The following FNDC3B variants were observed in gnomAD, a reference collection of about 807,000 sequenced individuals.
FNDC3B encodes fibronectin type III domain-containing protein 3B.
A neutral mutation model predicts 151.5 loss-of-function variants in FNDC3B; 12 were observed. That is an observed-to-expected ratio of 0.08 (90% CI 0.05 to 0.13). The LOEUF (loss-of-function observed/expected upper bound fraction) is 0.13, where lower values mean the gene tolerates loss of function less well. Ranked by LOEUF, FNDC3B falls within the 10% of genes least tolerant of loss-of-function variation. FNDC3B has a pLI of 1.00. For synonymous variants in FNDC3B, 528 were observed against 549.0 expected (o/e 0.96, Z 0.54); for missense variants, 1,214 against 1,505.3 (o/e 0.81, Z 3.20).
intron 9 of FNDC3B, among the ~76,000 whole-genome samples, chr3:172,300,155 A>G (rs904788799): frequency 6.6e-6 from 1 of 152,218 alleles, no homozygotes; most frequent in Admixed American, 6.5e-5. Context: ...GTACAAGAAG[A>G]TCTGTGTAAT....
intron 3 of FNDC3B, among the ~76,000 whole-genome samples, chr3:172,170,446 C>A (rs1224691539): frequency 2.0e-5 from 3 of 152,220 alleles, no homozygotes; most frequent in African/African-American, 7.2e-5. Context: ...AATTTGTAAG[C>A]AACTGAATTT....
chr3:172,397,782 G>A lies in FNDC3B; in HGVS notation c.*307G>A, dbSNP rs1407231358. 2 of 166,902 alleles carry A rather than the reference G, an allele frequency of 1.2e-5. No individual in the cohort carries two copies. The highest frequency in any genetic ancestry group is 3.2e-4 in the East Asian group (2 of 6,232). The allele number at this position is 166,902 out of a possible 1,614,324, so 10.3% of individuals were successfully genotyped here. ...TTACCTTCATTCTGTTTTCACTGAT[G>A]TCTTTTGCAAGCCTTTGATTTTTTT... On this transcript the variant is annotated 3_prime_UTR_variant, in exon 26 of 26. Coordinates refer to ENST00000415807, the MANE Select transcript of FNDC3B (RefSeq NM_022763.4).
chr3:172,121,604 G>A (rs1720550065), intron 2 of FNDC3B, among the ~76,000 whole-genome samples: 1 of 152,168 alleles, frequency 6.6e-6, no homozygotes, highest in African/African-American at 2.4e-5. Context: ...GCAAATACTT[G>A]TGTTTATATT....
intron 3 of FNDC3B, among the ~76,000 whole-genome samples, chr3:172,182,533 T>A (rs1386010102): frequency 6.6e-6 from 1 of 152,186 alleles, no homozygotes; most frequent in Non-Finnish European, 1.5e-5. Context: ...TAGATACACT[T>A]TTGCTGGAGG....
intron 1 of FNDC3B, among the ~76,000 whole-genome samples, chr3:172,077,731 C>CA (rs969132426): frequency 7.9e-5 from 12 of 152,038 alleles, no homozygotes; most frequent in Admixed American, 2.0e-4. Flanking sequence ...TTTTCCCCCC[C>CA]AAAAAAGAAA....
chr3:172,218,936 C>T (rs1358062285), intron 3 of FNDC3B, among the ~76,000 whole-genome samples: 2 of 152,142 alleles, frequency 1.3e-5, no homozygotes, highest in African/African-American at 4.8e-5. Context: ...TGAAAGAAGA[C>T]GAGTTTGCCA....
intron 23 of FNDC3B, among the ~76,000 whole-genome samples, chr3:172,375,023 G>C (rs890309311): frequency 3.9e-5 from 6 of 151,992 alleles, no homozygotes; most frequent in Non-Finnish European, 8.8e-5. Flanking sequence ...TTGGTACCAA[G>C]TCTTTCTCAT....
intron 1 of FNDC3B, among the ~76,000 whole-genome samples, chr3:172,098,099 T>A (rs893697488): frequency 6.6e-6 from 1 of 152,062 alleles, no homozygotes; most frequent in Non-Finnish European, 1.5e-5. Context: ...TTAATGGCCG[T>A]AAGATAACAC....
chr3:172,094,022 G>C (rs1017833897), intron 1 of FNDC3B, among the ~76,000 whole-genome samples: 1 of 150,754 alleles, frequency 6.6e-6, no homozygotes, highest in Non-Finnish European at 1.5e-5. Context: ...CTAGAACATC[G>C]GCATTGTGTA....
intron 22 of FNDC3B, among the ~76,000 whole-genome samples, chr3:172,355,526 C>A (rs1045575593): frequency 6.6e-6 from 1 of 151,870 alleles, no homozygotes; most frequent in African/African-American, 2.4e-5. Flanking sequence ...AGGGGGGGGG[C>A]CTAGCACTTG....
intron 3 of FNDC3B, among the ~76,000 whole-genome samples, chr3:172,218,689 C>T (rs1726120435): frequency 6.6e-6 from 1 of 152,170 alleles, no homozygotes; most frequent in Non-Finnish European, 1.5e-5. Context: ...TTTTGGTAGG[C>T]CAGTAAAGTG....
At chr3:172,103,226 T>C (rs1157744877) in intron 1 of FNDC3B, among the ~76,000 whole-genome samples, 1 of 152,138 alleles carries the variant, frequency 6.6e-6, no homozygotes, top group African/African-American at 2.4e-5. Flanking sequence ...ACTGAGCTGG[T>C]ATTATGTGAG....
At chr3:172,239,466 C>G (rs1418273799) in intron 4 of FNDC3B, among the ~76,000 whole-genome samples, 1 of 152,144 alleles carries the variant, frequency 6.6e-6, no homozygotes, top group Non-Finnish European at 1.5e-5. Context: ...TTTCTGTGTC[C>G]AGGCAACTCA....
rs559525709 is a variant in FNDC3B, at chr3:172,322,312, G to A, written c.1255-6640G>A. On this transcript the variant is annotated intron_variant, in intron 11 of 25. Coordinates refer to ENST00000415807, the MANE Select transcript of FNDC3B (RefSeq NM_022763.4). ...ACATGGCCTGGGGTTCCCACACAGC[G>A]TGGCAGCTTCAGGGTAGTGAGAATC... 5.3e-5 allele frequency among the ~76,000 whole-genome samples: 8 copies of A among 152,352 alleles called. No homozygotes were observed. The South Asian group carries it at 8.3e-4, about 16-fold the overall frequency.
At chr3:172,092,618 G>A (rs570426277) in intron 1 of FNDC3B, among the ~76,000 whole-genome samples, 75 of 152,160 alleles carry the variant, frequency 4.9e-4, no homozygotes, top group Non-Finnish European at 8.1e-4. Context: ...ATTCTCTGTA[G>A]AGGTTACTGT....
chr3:172,133,672 C>T (rs530804931), intron 3 of FNDC3B, 126 bp downstream of exon 3: 2 of 756,800 alleles, frequency 2.6e-6, no homozygotes, highest in Non-Finnish European at 4.8e-6. Context: ...TATTCATTTT[C>T]TTTTTTTTTC....
At chr3:172,294,699 C>T (rs1730504185) in intron 7 of FNDC3B, among the ~76,000 whole-genome samples, 1 of 152,178 alleles carries the variant, frequency 6.6e-6, no homozygotes, top group Admixed American at 6.5e-5. Flanking sequence ...CTTATAAACA[C>T]CTCTGGAAGA....
intron 1 of FNDC3B, among the ~76,000 whole-genome samples, chr3:172,089,418 G>A (rs1257604087): frequency 1.3e-5 from 2 of 152,128 alleles, no homozygotes; most frequent in Non-Finnish European, 2.9e-5. Context: ...GAAACAGGAT[G>A]CAATGTGGCA....
chr3:172,339,734 T>TA (rs1203489507), intron 16 of FNDC3B, among the ~76,000 whole-genome samples: 1 of 152,188 alleles, frequency 6.6e-6, no homozygotes, highest in Non-Finnish European at 1.5e-5. Flanking sequence ...AAATCAAAAG[T>TA]AGGGGCCCTT....
Sources: gnomAD v4.1 joint callset for allele counts (sites outside exome capture counted in the v4.1 genomes callset) on GRCh38, gnomAD v4.1.1 for gene constraint, MANE v1.5 for transcripts, NCBI Gene and HGNC (gene_info 2026-07-23, HGNC 2026-07-21) for gene names.